TSC22D3: variants seen among roughly 807,000 people sequenced by gnomAD.
The protein encoded by TSC22D3 is TSC22 domain family member 3.
A neutral mutation model predicts 11.1 loss-of-function variants in TSC22D3; 4 were observed. The observed-to-expected ratio is 0.36, with a 90% CI of 0.18 to 0.83. The LOEUF (loss-of-function observed/expected upper bound fraction) is 0.83, where lower values mean the gene tolerates loss of function less well. Among genes scored for constraint, TSC22D3 ranks in the 40% least tolerant of loss-of-function variants. The pLI, the probability that TSC22D3 is intolerant of heterozygous loss-of-function variation, is 0.48. For synonymous variants in TSC22D3, 77 were observed against 70.3 expected, an observed-to-expected ratio of 1.10 and a Z score of -0.48; for missense variants, 118 against 159.4, an observed-to-expected ratio of 0.74 and a Z score of 1.40.
At chrX:107,762,297 A>G (rs1234657685) in intron 1 of TSC22D3, among the ~76,000 whole-genome samples, 3 of 111,860 alleles carry the variant, frequency 2.7e-5, no homozygotes, top group East Asian at 5.6e-4. Flanking sequence ...TAATTTATCC[A>G]GGAGACAAGA....
intron 1 of TSC22D3, among the ~76,000 whole-genome samples, chrX:107,748,017 G>T: frequency 8.9e-6 from 1 of 111,868 alleles, no homozygotes. Context: ...ATGTGTCCAA[G>T]GTCCAGGCCA....
At chrX:107,769,023 C>G (rs1929785879) in intron 1 of TSC22D3, among the ~76,000 whole-genome samples, 1 of 112,655 alleles carries the variant, frequency 8.9e-6, no homozygotes. Flanking sequence ...GAGCATTCTC[C>G]TCAAGGAATG....
At chrX:107,769,584 A>G (rs983406762) in intron 1 of TSC22D3, among the ~76,000 whole-genome samples, 1 of 111,606 alleles carries the variant, frequency 9.0e-6, no homozygotes, top group Non-Finnish European at 1.9e-5. Context: ...CAACATTGTT[A>G]ATATACCTAA....
At chrX:107,773,517 C>G (rs1930000247) in intron 1 of TSC22D3, among the ~76,000 whole-genome samples, 1 of 112,510 alleles carries the variant, frequency 8.9e-6, no homozygotes, top group Non-Finnish European at 1.9e-5. Context: ...GCTGAATACA[C>G]TTGTAGTAAT....
intron 1 of TSC22D3, chrX:107,717,091 A>G: frequency 1.1e-6 from 1 of 917,977 alleles, no homozygotes; most frequent in Non-Finnish European, 1.3e-6. Context: ...GCTTCTTTAT[A>G]TAGGAGGAGC....
intron 1 of TSC22D3, among the ~76,000 whole-genome samples, chrX:107,748,495 A>C (rs1928775004): frequency 9.0e-6 from 1 of 111,679 alleles, no homozygotes; most frequent in Admixed American, 9.5e-5. Flanking sequence ...CCAAAGTTCC[A>C]TACTGCTTCT....
At chrX:107,747,953 A>G (rs1029704987) in intron 1 of TSC22D3, among the ~76,000 whole-genome samples, 2 of 112,105 alleles carry the variant, frequency 1.8e-5, no homozygotes, top group African/African-American at 6.5e-5. Flanking sequence ...TGTCTTTCTC[A>G]TACCCTATCA....
At chrX:107,716,195 T>G in intron 1 of TSC22D3, 1 of 740,306 alleles carries the variant, frequency 1.4e-6, no homozygotes, top group South Asian at 3.4e-5. Context: ...CGATCGGAGC[T>G]GCTTGCGAGT....
intron 1 of TSC22D3, among the ~76,000 whole-genome samples, chrX:107,752,218 G>A (rs1928965455): frequency 8.9e-6 from 1 of 112,076 alleles, no homozygotes; most frequent in South Asian, 3.7e-4. Flanking sequence ...TTTTCTGAGG[G>A]ATGAGCTTGA....
intron 1 of TSC22D3, chrX:107,716,528 A>G (rs1277949753): frequency 1.0e-6 from 1 of 960,592 alleles, no homozygotes. Flanking sequence ...AGCGGCGGTG[A>G]CCCCCCCCTT....
chrX:107,722,916 A>T (rs1159167398), intron 1 of TSC22D3, among the ~76,000 whole-genome samples: 2 of 112,343 alleles, frequency 1.8e-5, no homozygotes, highest in Non-Finnish European at 3.8e-5. Context: ...AATTAAAAAA[A>T]GTAAATTGGC....
intron 1 of TSC22D3, among the ~76,000 whole-genome samples, chrX:107,749,025 A>G (rs1173169143): frequency 1.8e-5 from 2 of 111,599 alleles, no homozygotes; most frequent in Admixed American, 1.9e-4. Context: ...GGGCAGAGCC[A>G]GAGGGAAGAG....
intron 1 of TSC22D3, among the ~76,000 whole-genome samples, chrX:107,754,082 AT>A (rs1008976837): frequency 4.6e-5 from 5 of 108,913 alleles, no homozygotes; most frequent in African/African-American, 1.7e-4. Flanking sequence ...CGCCTAGCTA[AT>A]TTTTTTTTGT....
intron 1 of TSC22D3, among the ~76,000 whole-genome samples, chrX:107,739,022 C>T (rs1928271958): frequency 8.8e-6 from 1 of 113,021 alleles, no homozygotes; most frequent in South Asian, 3.6e-4. Flanking sequence ...CAGACAGCAA[C>T]AAATGCTCCC....
chrX:107,738,104 G>T (rs73525032), intron 1 of TSC22D3, among the ~76,000 whole-genome samples: 2,858 of 112,110 alleles, frequency 0.025, 75 homozygotes, highest in African/African-American at 0.088. Flanking sequence ...GTGTCCTCTG[G>T]TCTTGGTCCT....
At chrX:107,761,498 G>C (rs1348447716) in intron 1 of TSC22D3, among the ~76,000 whole-genome samples, 5 of 112,558 alleles carry the variant, frequency 4.4e-5, no homozygotes, top group Non-Finnish European at 7.5e-5. Context: ...GCCACTGCTG[G>C]GGGTCAATTT....
chrX:107,725,766 G>A (rs1167050518), intron 1 of TSC22D3, among the ~76,000 whole-genome samples: 3 of 111,680 alleles, frequency 2.7e-5, no homozygotes, highest in African/African-American at 6.5e-5. Flanking sequence ...ACTTCACAGC[G>A]GTCAGTGGAA....
At chrX:107,730,526 G>A (rs1016281094) in intron 1 of TSC22D3, among the ~76,000 whole-genome samples, 2 of 111,518 alleles carry the variant, frequency 1.8e-5, no homozygotes, top group African/African-American at 3.3e-5. Flanking sequence ...AAGCCCCCCC[G>A]GAATGCCAGG....
chrX:107,750,583 GGAGA>G (rs1201089807), intron 1 of TSC22D3, among the ~76,000 whole-genome samples: 2 of 111,569 alleles, frequency 1.8e-5, no homozygotes, highest in Non-Finnish European at 3.8e-5. Context: ...GACAGAACAA[GGAGA>G]GAGAGCTGGG....
Sources: gnomAD v4.1 joint callset for allele counts (sites outside exome capture counted in the v4.1 genomes callset) on GRCh38, gnomAD v4.1.1 for gene constraint, MANE v1.5 for transcripts, NCBI Gene and HGNC (gene_info 2026-07-23, HGNC 2026-07-21) for gene names.